WDHD1: variants seen among roughly 807,000 people sequenced by gnomAD.
WDHD1 encodes the protein WD repeat and HMG-box DNA-binding protein 1.
Under a neutral mutation model 135.4 loss-of-function variants are expected in WDHD1, and 111 were observed. The ratio of observed to expected loss-of-function variants is 0.82; its 90% CI spans 0.70 to 0.96. WDHD1 has a LOEUF of 0.96. Ranked by LOEUF, WDHD1 falls within the 40% of genes least tolerant of loss-of-function variation. The pLI is 0.00. For synonymous variants in WDHD1, 434 were observed against 439.0 expected, an observed-to-expected ratio of 0.99 and a Z score of 0.14; for missense variants, 1,351 against 1,336.3, an observed-to-expected ratio of 1.01 and a Z score of -0.17.
chr14:54,948,838 G>C (rs577898372), intron 24 of WDHD1, among the ~76,000 whole-genome samples: 1 of 152,324 alleles, frequency 6.6e-6, no homozygotes, highest in South Asian at 2.1e-4. Context: ...AGCAACATTT[G>C]CTGTTCACCA....
chr14:54,954,645 T>A (rs2041121455), intron 24 of WDHD1, among the ~76,000 whole-genome samples: 1 of 152,242 alleles, frequency 6.6e-6, no homozygotes, highest in South Asian at 2.1e-4. Flanking sequence ...ACACAAAGAT[T>A]AAAGCTCTTA....
At chr14:54,956,958 T>C in intron 23 of WDHD1, 76 bp downstream of exon 23, 2 of 1,523,072 alleles carry the variant, frequency 1.3e-6, no homozygotes, top group African/African-American at 1.4e-5. Flanking sequence ...CTATCCTATA[T>C]CTGAAACAGT....
In WDHD1 at chr14:54,991,505, C is replaced by A. The variant is rs148105037; in HGVS notation, c.1154-105G>T. 6.0e-4 allele frequency: 653 copies of A among 1,084,160 alleles called. 12 individuals are homozygous for A. The South Asian group carries it at 8.5e-3, about 14-fold the overall frequency. 67.2% of individuals were successfully genotyped at this position (1,084,160 alleles called of 1,614,324 possible). A position where few individuals can be genotyped will look rare whatever the true frequency, so the allele number is the denominator to read the frequency against. ...ACTTTTTCATTCATATTCAATGACA[C>A]TGACATGCTATTTGCCTCTTTCACT... On this transcript the variant is annotated intron_variant, in intron 11 of 25. Transcript: ENST00000360586.
intron 24 of WDHD1, among the ~76,000 whole-genome samples, chr14:54,945,783 C>T (rs1007251997): frequency 5.3e-5 from 8 of 152,202 alleles, no homozygotes; most frequent in African/African-American, 1.9e-4. Context: ...TCATGATCCA[C>T]TCGCCTCGGC....
intron 20 of WDHD1, 42 bp downstream of exon 20, chr14:54,962,696 A>G (rs199934312): frequency 3.7e-6 from 6 of 1,604,284 alleles, no homozygotes; most frequent in South Asian, 1.1e-5. Context: ...AGCCACATCC[A>G]TGATAGTTCT....
intron 7 of WDHD1, among the ~76,000 whole-genome samples, chr14:55,004,291 T>C (rs2042027057): frequency 6.6e-6 from 1 of 150,608 alleles, no homozygotes; most frequent in East Asian, 1.9e-4. Flanking sequence ...CATTTGGTTC[T>C]ATTTATCTCT....
chr14:54,959,441 G>GAGGCAGGC (rs560707275), intron 21 of WDHD1, among the ~76,000 whole-genome samples: 8 of 145,726 alleles, frequency 5.5e-5, no homozygotes, highest in African/African-American at 1.0e-4. Context: ...GGGAGGGAGG[G>GAGGCAGGC]AGGCAGGCAG....
At chr14:54,957,463 T>A (rs1313462062) in intron 22 of WDHD1, 129 bp downstream of exon 22, 2 of 921,894 alleles carry the variant, frequency 2.2e-6, no homozygotes, top group South Asian at 3.8e-5. Flanking sequence ...AAGTGCTGCT[T>A]TCTTCTGTTT....
intron 24 of WDHD1, among the ~76,000 whole-genome samples, chr14:54,949,345 C>T (rs746894766): frequency 9.2e-5 from 14 of 152,128 alleles, no homozygotes; most frequent in Admixed American, 7.9e-4. Context: ...ACGAGAACTA[C>T]GTGACGAATG....
In WDHD1 at chr14:54,941,684, C is replaced by T; in HGVS notation, c.3196G>A (p.Ala1066Thr). ...VLSTEERKVW[A>T]NKAKGETASE... ...GCCGTTTCTCCTTTGGCTTTGTTAGCCCACACCTTTGTAAAATGGCAGGAG... is the reference window on the plus strand; with the variant it reads ...GCCGTTTCTCCTTTGGCTTTGTTAGTCCACACCTTTGTAAAATGGCAGGAG... Residue 1066 changes from alanine (A) to threonine (T), a missense_variant, in exon 26 of 26, where the codon GCT (alanine) becomes ACT (threonine). Physicochemically the swap from Ala to Thr is moderately conservative, Grantham distance 58 (BLOSUM62 0). Coordinates refer to ENST00000360586, the MANE Select transcript of WDHD1 (RefSeq NM_007086.4). 6.2e-7 allele frequency: 1 copy of T among 1,608,708 alleles called. No homozygotes were observed. The highest frequency in any genetic ancestry group is 8.5e-7 in the Non-Finnish European group (1 of 1,178,300).
At chr14:55,001,323 C>T (rs1201796589) in intron 8 of WDHD1, among the ~76,000 whole-genome samples, 1 of 152,160 alleles carries the variant, frequency 6.6e-6, no homozygotes, top group East Asian at 1.9e-4. Flanking sequence ...TGCAGTGGCA[C>T]CATCATTACT....
rs2042462725 is a variant in WDHD1 at position 55,027,081 on chromosome 14, T to C, written c.-70A>G. On this transcript the variant is annotated 5_prime_UTR_variant, in exon 1 of 26. Transcript: ENST00000360586. ...ATCCACAAGAGCTGCTTCCCGCGCT[T>C]CGGCTCGCTCACCACACTGCGCCTG... The C allele has an allele frequency of 2.6e-6, 1 of 390,846 alleles. No individual in the cohort carries two copies. Among genetic ancestry groups the C allele is most frequent in the South Asian group, 2.8e-5 (1 of 35,812 alleles). 24.2% of individuals were successfully genotyped at this position (390,846 alleles called of 1,614,324 possible). A position where few individuals can be genotyped will look rare whatever the true frequency, so the allele number is the denominator to read the frequency against.
chr14:54,957,414 G>A (rs1191726950), intron 22 of WDHD1, among the ~76,000 whole-genome samples, 178 bp downstream of exon 22: 2 of 152,142 alleles, frequency 1.3e-5, no homozygotes, highest in Admixed American at 1.3e-4. Flanking sequence ...CAAAACCATA[G>A]GTACTTAGAA....
At position 54,958,566 on chromosome 14, in the gene WDHD1, T is replaced by A. The variant is rs191685469; in HGVS notation, c.2702-931A>T. On this transcript the variant is annotated intron_variant, in intron 21 of 25. Coordinates refer to ENST00000360586, the MANE Select transcript of WDHD1 (RefSeq NM_007086.4). ...GCTAAGGCCCTCAGTGATCTCTACA[T>A]TGTCAAATCTGGTGGATACCTTTCA... Among the ~76,000 whole-genome samples, 263 of 152,360 alleles carry A rather than the reference T, an allele frequency of 1.7e-3. 1 individual carries two copies. The highest frequency in any genetic ancestry group is 5.8e-3 in the African/African-American group (241 of 41,588).
At chr14:54,962,051 A>G (rs1454955248) in intron 21 of WDHD1, among the ~76,000 whole-genome samples, 2 of 152,054 alleles carry the variant, frequency 1.3e-5, no homozygotes, top group African/African-American at 2.4e-5. Context: ...TGGCCAGGCT[A>G]GTCTAGAACT....
At chr14:55,009,751 T>C (rs868335951) in intron 4 of WDHD1, among the ~76,000 whole-genome samples, 2 of 151,160 alleles carry the variant, frequency 1.3e-5, no homozygotes, top group Non-Finnish European at 2.9e-5. Flanking sequence ...TTTTTTAAAT[T>C]TTCCATCAAG....
At chr14:54,957,289 T>C in intron 22 of WDHD1, 85 bp from the exon 23 acceptor site, 6 of 1,452,586 alleles carry the variant, frequency 4.1e-6, no homozygotes, top group Non-Finnish European at 5.5e-6. Context: ...GAAATTTCTG[T>C]TAAGTTTGTA....
At chr14:54,956,774 A>C (rs2041165905) in intron 23 of WDHD1, among the ~76,000 whole-genome samples, 1 of 152,150 alleles carries the variant, frequency 6.6e-6, no homozygotes, top group Admixed American at 6.6e-5. Flanking sequence ...TGTTTTTTTC[A>C]GATGGGGTAT....
chr14:54,996,139 T>G (rs1393121912), intron 10 of WDHD1, among the ~76,000 whole-genome samples: 1 of 152,224 alleles, frequency 6.6e-6, no homozygotes, highest in Non-Finnish European at 1.5e-5. Context: ...GATATTAATA[T>G]GATAAAGTCC....
Sources: allele counts gnomAD v4.1 joint callset (sites outside exome capture counted in the v4.1 genomes callset), GRCh38; gene constraint gnomAD v4.1.1; transcripts MANE v1.5; gene names NCBI Gene and HGNC (gene_info 2026-07-23, HGNC 2026-07-21).